CTBP2: variants seen among roughly 807,000 people sequenced by gnomAD.
The protein encoded by CTBP2 is C-terminal-binding protein 2.
Under a neutral mutation model 80.3 loss-of-function variants are expected in CTBP2, and 30 were observed. The observed-to-expected ratio is 0.37, with a 90% CI of 0.28 to 0.51. The LOEUF is 0.51. Ranked by LOEUF, CTBP2 falls within the 20% of genes least tolerant of loss-of-function variation. CTBP2 has a pLI of 0.93. For missense variants in CTBP2, 1,212 were observed against 1,375.3 expected (o/e 0.88, Z 1.88); for synonymous variants, 594 against 587.4 (o/e 1.01, Z -0.16).
At chr10:125,116,047 C>T (rs1263425069) in intron 1 of CTBP2, among the ~76,000 whole-genome samples, 1 of 152,164 alleles carries the variant, frequency 6.6e-6, no homozygotes, top group Non-Finnish European at 1.5e-5. Context: ...TTCCTGAGCA[C>T]CTACTCAGTG....
intron 2 of CTBP2, among the ~76,000 whole-genome samples, chr10:125,049,461 G>A (rs1253571337): frequency 2.0e-5 from 3 of 152,186 alleles, no homozygotes; most frequent in Non-Finnish European, 4.4e-5. Context: ...CCCAGGCAGC[G>A]CCTCTCCACC....
chr10:125,155,684 T>TA lies in CTBP2; in HGVS notation c.-206+4634dup, dbSNP rs35676871. ...AATTTTCCAAACCCCAAGATAGGATTAAAAAAAAAAAAACTCTTTCATAAG... is the reference window on the plus strand; with the variant it reads ...AATTTTCCAAACCCCAAGATAGGATTAAAAAAAAAAAAAACTCTTTCATAAG... On this transcript the variant is annotated intron_variant, in intron 1 of 10. Transcript: ENST00000337195. Among the ~76,000 whole-genome samples the TA allele has an allele frequency of 1.1e-3, 159 of 144,090 alleles. 1 individual carries two copies. Among genetic ancestry groups the TA allele is most frequent in the South Asian group, 2.4e-3 (11 of 4,506 alleles). The allele number at this position is 144,090 out of a possible 152,430, so 94.5% of individuals were successfully genotyped here.
chr10:125,100,049 T>C (rs1430433681), intron 2 of CTBP2, among the ~76,000 whole-genome samples: 2 of 152,236 alleles, frequency 1.3e-5, no homozygotes, highest in East Asian at 3.8e-4. Flanking sequence ...CTTCTCATAT[T>C]GAAGAACGGG....
At chr10:125,011,260 G>T (rs944939931) in intron 1 of CTBP2, among the ~76,000 whole-genome samples, 1 of 152,228 alleles carries the variant, frequency 6.6e-6, no homozygotes, top group Non-Finnish European at 1.5e-5. Context: ...GTTTGGTGAA[G>T]AAATGGCCAC....
intron 1 of CTBP2, among the ~76,000 whole-genome samples, chr10:125,148,543 C>A (rs1029901411): frequency 6.6e-6 from 1 of 152,178 alleles, no homozygotes; most frequent in Non-Finnish European, 1.5e-5. Flanking sequence ...AAGTAACATA[C>A]GGGATTTGCT....
At chr10:125,083,603 T>C (rs1358959934) in intron 2 of CTBP2, among the ~76,000 whole-genome samples, 1 of 152,180 alleles carries the variant, frequency 6.6e-6, no homozygotes, top group African/African-American at 2.4e-5. Context: ...TGCACCTTAG[T>C]CCGAACAAGC....
Position 124,987,437 on chromosome 10 carries a change from G to A in CTBP2, c.*2081C>T, listed in dbSNP as rs973371208. On this transcript the variant is annotated 3_prime_UTR_variant, in exon 9 of 9. Coordinates refer to ENST00000309035, the MANE Select transcript of CTBP2 (RefSeq NM_022802.3). ...AAAACCCAGGTGGACCATGGATTCA[G>A]ACCTGCCTTTTTATGTTTTTGACTC... The A allele has an allele frequency of 6.6e-6, 1 of 152,068 alleles. No individual in the cohort carries two copies. The highest frequency in any genetic ancestry group is 2.4e-5 in the African/African-American group (1 of 41,402). 9.4% of individuals were successfully genotyped at this position (152,068 alleles called of 1,614,324 possible).
intron 2 of CTBP2, among the ~76,000 whole-genome samples, chr10:125,098,657 G>GGAGAGAGAGAGAGAGAGAGAGA (rs565818097): frequency 6.7e-5 from 3 of 44,968 alleles, no homozygotes; most frequent in Non-Finnish European, 8.2e-5. Flanking sequence ...TGGGGGAGGG[G>GGAGAGAGAGAGAGAGAGAGAGA]GAGAGAGAGA....
chr10:125,121,699 A>T (rs1375541944), intron 1 of CTBP2, among the ~76,000 whole-genome samples: 1 of 152,232 alleles, frequency 6.6e-6, no homozygotes, highest in Non-Finnish European at 1.5e-5. Flanking sequence ...TTTAAGAATT[A>T]ATCACAGTGC....
intron 2 of CTBP2, among the ~76,000 whole-genome samples, chr10:125,048,603 G>A (rs1961861256): frequency 6.6e-6 from 1 of 152,182 alleles, no homozygotes; most frequent in South Asian, 2.1e-4. Flanking sequence ...GGCCAAGAAG[G>A]AGGGAGGCTC....
rs1564913959 is a variant in CTBP2, at chr10:125,098,692, GAGAGAGAGAGAGAGAC to G, written c.-102+12282_-102+12297del. On this transcript the variant is annotated intron_variant, in intron 2 of 10. Transcript: ENST00000337195. Reference sequence around the variant, plus strand: ...AGAGAGAGAGAGAGAGAGAGAGAGAGAGAGAGAGAGAGAGACAGAGAGAGAGAGAGACAGAGAGAGA... The same window carrying G: ...AGAGAGAGAGAGAGAGAGAGAGAGAGAGAGAGAGAGAGAGACAGAGAGAGA... Among the ~76,000 whole-genome samples the G allele has an allele frequency of 3.2e-3, 374 of 118,616 alleles. 4 individuals carry two copies. Among genetic ancestry groups the G allele is most frequent in the Middle Eastern group, 0.012 (3 of 254 alleles). 77.8% of individuals were successfully genotyped at this position (118,616 alleles called of 152,430 possible).
At chr10:125,019,890 C>T (rs887094422) in intron 1 of CTBP2, among the ~76,000 whole-genome samples, 1 of 152,166 alleles carries the variant, frequency 6.6e-6, no homozygotes, top group Non-Finnish European at 1.5e-5. Context: ...AACTGTGTGC[C>T]TGACACCAAA....
chr10:125,128,030 A>G (rs1855548767), intron 1 of CTBP2, among the ~76,000 whole-genome samples: 1 of 152,212 alleles, frequency 6.6e-6, no homozygotes, highest in Admixed American at 6.5e-5. Context: ...TCTAAAAGTA[A>G]TGACCCCAGA....
At chr10:125,138,666 T>TAAA (rs77530093) in intron 1 of CTBP2, among the ~76,000 whole-genome samples, 3 of 124,676 alleles carry the variant, frequency 2.4e-5, no homozygotes, top group African/African-American at 5.8e-5. Flanking sequence ...GCCAAATGGT[T>TAAA]AAAAAAAAAA....
At chr10:125,115,061 G>A (rs1411243297) in intron 1 of CTBP2, among the ~76,000 whole-genome samples, 1 of 152,124 alleles carries the variant, frequency 6.6e-6, no homozygotes, top group African/African-American at 2.4e-5. Flanking sequence ...GATGGCGAAG[G>A]ATTCATCACC....
intron 2 of CTBP2, among the ~76,000 whole-genome samples, chr10:125,059,860 T>C (rs904658847): frequency 6.6e-6 from 1 of 152,010 alleles, no homozygotes; most frequent in Non-Finnish European, 1.5e-5. Context: ...GGAAGGGGCC[T>C]GTTTGGGAGC....
At chr10:125,113,559 T>C (rs1852664701) in intron 1 of CTBP2, among the ~76,000 whole-genome samples, 1 of 152,174 alleles carries the variant, frequency 6.6e-6, no homozygotes, top group African/African-American at 2.4e-5. Flanking sequence ...TTTCCAAAAA[T>C]ATAAAGGGAT....
At chr10:125,074,210 A>G (rs914191949) in intron 2 of CTBP2, among the ~76,000 whole-genome samples, 1 of 152,220 alleles carries the variant, frequency 6.6e-6, no homozygotes, top group Non-Finnish European at 1.5e-5. Context: ...GGTCTCAGAG[A>G]ATATAGTGAA....
In CTBP2 at chr10:125,098,742, G is replaced by C. The variant is rs34421850; in HGVS notation, c.-102+12248C>G. Among the ~76,000 whole-genome samples the C allele has an allele frequency of 1.4e-3, 150 of 106,640 alleles. 1 individual carries two copies. The highest frequency in any genetic ancestry group is 4.7e-3 in the African/African-American group (96 of 20,380). 70.0% of individuals were successfully genotyped at this position (106,640 alleles called of 152,430 possible). ...AGAGAGACAGAGAGAGAGAGAGAGA[G>C]AGAGAGACAGAGAGAGAGAGAGAGA... is the stretch of plus-strand genomic sequence containing the variant. On this transcript the variant is annotated intron_variant, in intron 2 of 10. Transcript: ENST00000337195.
Sources: allele counts gnomAD v4.1 joint callset (sites outside exome capture counted in the v4.1 genomes callset), GRCh38; gene constraint gnomAD v4.1.1; transcripts MANE v1.5; gene names NCBI Gene and HGNC (gene_info 2026-07-23, HGNC 2026-07-21).